SPAG16: variants seen among roughly 807,000 people sequenced by gnomAD.
SPAG16 encodes the protein sperm associated antigen 16.
Under a neutral mutation model 80.4 loss-of-function variants are expected in SPAG16, and 86 were observed. The observed-to-expected ratio is 1.07, with a 90% CI of 0.90 to 1.28. The LOEUF is 1.28. Ranked by LOEUF, SPAG16 falls within the 50% of genes most tolerant of loss-of-function variation. The probability of loss-of-function intolerance (pLI) is 0.00; values close to 1 mark genes in which losing one functional copy is unlikely to be tolerated. For synonymous variants in SPAG16, 294 were observed against 265.9 expected (o/e 1.11, Z -1.03); for missense variants, 870 against 765.3 (o/e 1.14, Z -1.61).
At chr2:214,183,486 T>C (rs921788250) in intron 15 of SPAG16, among the ~76,000 whole-genome samples, 1 of 152,058 alleles carries the variant, frequency 6.6e-6, no homozygotes, top group Non-Finnish European at 1.5e-5. Context: ...ATGTGGCTAC[T>C]ATGGCTCTCA....
At chr2:213,739,285 T>C (rs909202135) in intron 10 of SPAG16, among the ~76,000 whole-genome samples, 1 of 152,224 alleles carries the variant, frequency 6.6e-6, no homozygotes, top group Non-Finnish European at 1.5e-5. Context: ...ACTACTTATT[T>C]TATAATGTAG....
intron 9 of SPAG16, among the ~76,000 whole-genome samples, chr2:213,455,538 C>T (rs372877266): frequency 9.2e-5 from 14 of 152,172 alleles, no homozygotes; most frequent in African/African-American, 3.4e-4. Flanking sequence ...GTCAGCAGTC[C>T]CCAGACTTTT....
intron 15 of SPAG16, among the ~76,000 whole-genome samples, chr2:214,275,964 C>T (rs376222038): frequency 6.6e-6 from 1 of 152,034 alleles, no homozygotes; most frequent in African/African-American, 2.4e-5. Context: ...TTGCTTTATG[C>T]ATCTGGGTGC....
At chr2:214,285,389 A>G (rs976125533) in intron 15 of SPAG16, among the ~76,000 whole-genome samples, 1 of 152,016 alleles carries the variant, frequency 6.6e-6, no homozygotes, top group African/African-American at 2.4e-5. Context: ...TTAAGCCCTT[A>G]TCAGATGTAT....
chr2:213,929,354 C>A (rs1395860557), intron 11 of SPAG16, among the ~76,000 whole-genome samples: 2 of 152,046 alleles, frequency 1.3e-5, no homozygotes, highest in Non-Finnish European at 2.9e-5. Context: ...TTGTGTCCAC[C>A]ACTTGGAAGC....
intron 10 of SPAG16, among the ~76,000 whole-genome samples, chr2:213,723,075 T>C (rs762881488): frequency 2.6e-5 from 4 of 152,128 alleles, no homozygotes; most frequent in Non-Finnish European, 5.9e-5. Context: ...TTTGGAGAGA[T>C]TTTGAAGAGT....
At chr2:214,229,201 A>G (rs1259688113) in intron 15 of SPAG16, among the ~76,000 whole-genome samples, 2 of 93,902 alleles carry the variant, frequency 2.1e-5, no homozygotes, top group Non-Finnish European at 4.0e-5. Context: ...TATATAAAGG[A>G]TGTAAAGGTC....
chr2:213,470,270 A>G (rs1365440732), intron 9 of SPAG16, among the ~76,000 whole-genome samples: 3 of 152,214 alleles, frequency 2.0e-5, no homozygotes, highest in Non-Finnish European at 4.4e-5. Context: ...TGATAAGACC[A>G]GTGAATTCCA....
chr2:213,404,972 T>G (rs1363601515), intron 9 of SPAG16, among the ~76,000 whole-genome samples: 1 of 152,208 alleles, frequency 6.6e-6, no homozygotes, highest in Non-Finnish European at 1.5e-5. Flanking sequence ...CAAATTGCAG[T>G]TCTGGTTTTG....
chr2:213,424,739 A>G lies in SPAG16; in HGVS notation c.942+49620A>G, dbSNP rs552944960. On this transcript the variant is annotated intron_variant, in intron 9 of 15. Transcript: ENST00000331683. Reference sequence around the variant, plus strand: ...ATGCTAGAGATGCTATAGTCCTTACATTTTTTAAAGATACCCTTTTACAAT... The same window carrying G: ...ATGCTAGAGATGCTATAGTCCTTACGTTTTTTAAAGATACCCTTTTACAAT... 5.9e-5 allele frequency among the ~76,000 whole-genome samples: 9 copies of G among 152,268 alleles called. 1 individual carries two copies. The South Asian group carries it at 1.9e-3, about 32-fold the overall frequency.
intron 13 of SPAG16, among the ~76,000 whole-genome samples, chr2:214,101,996 G>C (rs774109380): frequency 5.9e-5 from 9 of 152,030 alleles, no homozygotes; most frequent in African/African-American, 9.7e-5. Flanking sequence ...TGAAGCAAAG[G>C]TGTTGGGGAA....
chr2:213,817,853 C>G (rs2072660396), intron 10 of SPAG16, among the ~76,000 whole-genome samples: 1 of 152,120 alleles, frequency 6.6e-6, no homozygotes, highest in South Asian at 2.1e-4. Context: ...TGTTGAAAAA[C>G]TACTGGGTAC....
chr2:213,339,126 T>C (rs1222318472), intron 5 of SPAG16, among the ~76,000 whole-genome samples: 2 of 152,208 alleles, frequency 1.3e-5, no homozygotes, highest in African/African-American at 4.8e-5. Context: ...AAGTCGTTAA[T>C]CAACATATGC....
At chr2:213,542,596 A>C (rs2076483910) in intron 10 of SPAG16, among the ~76,000 whole-genome samples, 1 of 152,168 alleles carries the variant, frequency 6.6e-6, no homozygotes, top group Non-Finnish European at 1.5e-5. Context: ...GCAGAAAAAT[A>C]AAAACAACAA....
chr2:213,583,270 G>C (rs1012995230), intron 10 of SPAG16, among the ~76,000 whole-genome samples: 5 of 152,156 alleles, frequency 3.3e-5, no homozygotes, highest in Non-Finnish European at 7.4e-5. Flanking sequence ...TGCATGAACA[G>C]TCTGTACCTA....
chr2:213,647,399 C>T (rs2062857687), intron 10 of SPAG16, among the ~76,000 whole-genome samples: 1 of 152,182 alleles, frequency 6.6e-6, no homozygotes, highest in African/African-American at 2.4e-5. Flanking sequence ...TCTTCTGCTT[C>T]TTTCACCTTT....
chr2:213,922,412 CTA>C (rs2078266655), intron 11 of SPAG16, among the ~76,000 whole-genome samples: 1 of 152,156 alleles, frequency 6.6e-6, no homozygotes, highest in African/African-American at 2.4e-5. Context: ...GCTATTTTGA[CTA>C]TCAGCTCCTG....
At chr2:214,174,770 T>A (rs1180747986) in intron 15 of SPAG16, among the ~76,000 whole-genome samples, 2 of 151,714 alleles carry the variant, frequency 1.3e-5, no homozygotes, top group South Asian at 2.1e-4. Flanking sequence ...ACTCTGGGCA[T>A]AAACATCTAG....
chr2:214,002,357 A>G (rs1033602382), intron 12 of SPAG16, among the ~76,000 whole-genome samples: 1 of 152,214 alleles, frequency 6.6e-6, no homozygotes, highest in Non-Finnish European at 1.5e-5. Flanking sequence ...AAACAAAACA[A>G]TAAATAAGGC....
Sources: allele counts gnomAD v4.1 joint callset (sites outside exome capture counted in the v4.1 genomes callset), GRCh38; gene constraint gnomAD v4.1.1; transcripts MANE v1.5; gene names NCBI Gene and HGNC (gene_info 2026-07-23, HGNC 2026-07-21).